The following RABGEF1 variants were observed in gnomAD, a reference collection of about 807,000 sequenced individuals.
RABGEF1 encodes rab5 GDP/GTP exchange factor.
RABGEF1 carries 26 observed loss-of-function variants against 57.3 expected under a neutral mutation model. That is an observed-to-expected ratio of 0.45 (90% CI 0.33 to 0.63). The LOEUF is 0.63. RABGEF1 is among the 20% of genes least tolerant of loss of function. RABGEF1 has a pLI of 0.02. For missense variants in RABGEF1, 464 were observed against 607.6 expected, an observed-to-expected ratio of 0.76 and a Z score of 2.48; for synonymous variants, 185 against 210.7, an observed-to-expected ratio of 0.88 and a Z score of 1.06.
intron 7 of RABGEF1, among the ~76,000 whole-genome samples, chr7:66,803,167 A>G (rs1787675809): frequency 1.3e-5 from 2 of 152,242 alleles, no homozygotes. Flanking sequence ...TATGTAATTC[A>G]CACAGTAGCC....
At chr7:66,734,142 G>A (rs1797662383) in intron 2 of RABGEF1, among the ~76,000 whole-genome samples, 1 of 152,210 alleles carries the variant, frequency 6.6e-6, no homozygotes, top group African/African-American at 2.4e-5. Flanking sequence ...TACTTTTGAG[G>A]TATTTTTGAA....
At chr7:66,661,706 T>C in the RABGEF1 span, among the ~76,000 whole-genome samples, 3 of 152,234 alleles carry the variant, frequency 2.0e-5, no homozygotes, top group Non-Finnish European at 4.4e-5. Flanking sequence ...CGAAAATTAA[T>C]GCCAGTCCTT....
chr7:66,688,000 G>A (rs1562694745), intron 1 of RABGEF1, among the ~76,000 whole-genome samples: 2 of 149,356 alleles, frequency 1.3e-5, no homozygotes, highest in South Asian at 4.2e-4. Context: ...CAGGAGAATC[G>A]CTTGAACCCA....
intron 1 of RABGEF1, among the ~76,000 whole-genome samples, chr7:66,745,658 A>C (rs1800028069): frequency 1.3e-5 from 2 of 151,664 alleles, no homozygotes; most frequent in Admixed American, 1.3e-4. Context: ...GATCTCAGCT[A>C]CTCGGGAGTC....
chr7:66,660,021 AG>A, the RABGEF1 span, among the ~76,000 whole-genome samples: 2 of 152,048 alleles, frequency 1.3e-5, no homozygotes, highest in East Asian at 3.9e-4. Context: ...AAAAAAAAAA[AG>A]AAGACTCAAA....
the RABGEF1 span, among the ~76,000 whole-genome samples, chr7:66,658,730 T>C: frequency 6.6e-6 from 1 of 151,950 alleles, no homozygotes; most frequent in Non-Finnish European, 1.5e-5. Context: ...GAGGAGGAAA[T>C]ACTTTCTTTT....
upstream of RABGEF1, chr7:66,739,909 T>C (rs1798552313): frequency 1.3e-5 from 2 of 152,250 alleles, no homozygotes; most frequent in Admixed American, 6.5e-5. Flanking sequence ...GTAAACAGGA[T>C]TCAATTTGTG....
chr7:66,742,611 A>T (rs569485787), intron 1 of RABGEF1, among the ~76,000 whole-genome samples: 1 of 152,180 alleles, frequency 6.6e-6, no homozygotes, highest in South Asian at 2.1e-4. Flanking sequence ...GGTGCCTATT[A>T]ATTTATTTAT....
the RABGEF1 span, among the ~76,000 whole-genome samples, chr7:66,659,141 T>C: frequency 6.6e-6 from 1 of 152,116 alleles, no homozygotes; most frequent in East Asian, 1.9e-4. Flanking sequence ...TTATGAACAT[T>C]GATTAAAAAA....
chr7:66,657,434 G>A, the RABGEF1 span, among the ~76,000 whole-genome samples: 1 of 152,186 alleles, frequency 6.6e-6, no homozygotes, highest in Non-Finnish European at 1.5e-5. Context: ...AACACTTTGA[G>A]ATGAATGAAA....
the RABGEF1 span, among the ~76,000 whole-genome samples, chr7:66,661,424 G>C: frequency 2.6e-4 from 40 of 151,002 alleles, no homozygotes; most frequent in African/African-American, 9.7e-4. Context: ...CAAATCTCTA[G>C]AAACACAAAG....
rs151073590 is a variant in RABGEF1, at chr7:66,773,028, G to C, written c.179+950G>C. Among the ~76,000 whole-genome samples the C allele has an allele frequency of 2.8e-3, 423 of 151,524 alleles. 3 individuals carry two copies. The highest frequency in any genetic ancestry group is 9.4e-3 in the African/African-American group (389 of 41,346). ...CAGAGCATTCTAGAATTCTAAAACT[G>C]CTTCAACAGAAGAAAGTCAAATGGA... On this transcript the variant is annotated intron_variant, in intron 2 of 8. Coordinates refer to ENST00000284957, the MANE Select transcript of RABGEF1 (RefSeq NM_014504.3).
chr7:66,764,389 A>G lies in RABGEF1; in HGVS notation c.-17-7494A>G, dbSNP rs544954512. Among the ~76,000 whole-genome samples, 23 of 142,608 alleles carry G rather than the reference A, an allele frequency of 1.6e-4. No individual in the cohort carries two copies. The South Asian group carries it at 4.4e-3, about 27-fold the overall frequency. The allele number at this position is 142,608 out of a possible 152,430, so 93.6% of individuals were successfully genotyped here. On this transcript the variant is annotated intron_variant, in intron 1 of 8. Transcript: ENST00000284957. ...TTCCTTATTACATAAATGACTTGCA[A>G]ATGTTTTCTCTTATTCTGTGGGTTC...
At chr7:66,799,925 A>G (rs1305123232) in intron 7 of RABGEF1, among the ~76,000 whole-genome samples, 2 of 152,128 alleles carry the variant, frequency 1.3e-5, no homozygotes, top group Non-Finnish European at 2.9e-5. Context: ...AAGTTCCCCA[A>G]ATTGATGTGA....
At position 66,801,961 on chromosome 7, in the gene RABGEF1, G is replaced by A. The variant is rs144049250; in HGVS notation, c.820+2547G>A. 4.3e-4 allele frequency among the ~76,000 whole-genome samples: 65 copies of A among 152,316 alleles called. No individual in the cohort carries two copies. The East Asian group carries it at 9.3e-3, about 22-fold the overall frequency. ...ATCTCTCTGTCACCCAGGCTGGAGT[G>A]CAAGTGGCAACGATCATGGCTCACT... On this transcript the variant is annotated intron_variant, in intron 7 of 8. Coordinates refer to ENST00000284957, the MANE Select transcript of RABGEF1 (RefSeq NM_014504.3).
At chr7:66,762,560 G>T (rs1167665465) in intron 1 of RABGEF1, among the ~76,000 whole-genome samples, 3 of 151,820 alleles carry the variant, frequency 2.0e-5, no homozygotes, top group African/African-American at 7.3e-5. Context: ...CTGCACTCTA[G>T]TCTAGGTGAC....
At chr7:66,787,085 G>A (rs1169608597) in intron 4 of RABGEF1, among the ~76,000 whole-genome samples, 1 of 152,046 alleles carries the variant, frequency 6.6e-6, no homozygotes, top group Non-Finnish European at 1.5e-5. Context: ...GGAGTGCAGT[G>A]GTGTGATCTC....
intron 1 of RABGEF1, among the ~76,000 whole-genome samples, chr7:66,710,279 A>G (rs1794625234): frequency 1.3e-5 from 2 of 152,146 alleles, no homozygotes; most frequent in African/African-American, 2.4e-5. Flanking sequence ...TAATCCGTTC[A>G]TCTTGTTGAT....
chr7:66,750,707 A>T (rs1356446090), intron 1 of RABGEF1, among the ~76,000 whole-genome samples: 2 of 152,250 alleles, frequency 1.3e-5, no homozygotes, highest in African/African-American at 2.4e-5. Flanking sequence ...TTAGATTCTG[A>T]CAGAAAAACT....
Sources: gnomAD v4.1 joint callset for allele counts (sites outside exome capture counted in the v4.1 genomes callset) on GRCh38, gnomAD v4.1.1 for gene constraint, MANE v1.5 for transcripts, NCBI Gene and HGNC (gene_info 2026-07-23, HGNC 2026-07-21) for gene names.